The following CYSTM1 variants were observed in gnomAD, a reference collection of about 807,000 sequenced individuals.
CYSTM1 encodes cysteine-rich transmembrane module-containing protein 1.
Under a neutral mutation model 13.1 loss-of-function variants are expected in CYSTM1, and 4 were observed. The ratio of observed to expected loss-of-function variants is 0.31; its 90% CI spans 0.15 to 0.70. The LOEUF (loss-of-function observed/expected upper bound fraction) is 0.70. Among genes scored for constraint, CYSTM1 ranks in the 30% least tolerant of loss-of-function variants. The probability of loss-of-function intolerance (pLI) is 0.72; values close to 1 mark genes in which losing one functional copy is unlikely to be tolerated. For synonymous variants in CYSTM1, 36 were observed against 42.7 expected (o/e 0.84, Z 0.62); for missense variants, 96 against 121.6 (o/e 0.79, Z 0.99).
At chr5:140,195,877 T>C (rs975803656) in intron 2 of CYSTM1, among the ~76,000 whole-genome samples, 7 of 151,666 alleles carry the variant, frequency 4.6e-5, no homozygotes, top group Non-Finnish European at 8.8e-5. Flanking sequence ...AAACCCCGTC[T>C]CTACTAAAAA....
At chr5:140,177,026 G>A (rs1173492582) in intron 1 of CYSTM1, among the ~76,000 whole-genome samples, 2 of 133,294 alleles carry the variant, frequency 1.5e-5, no homozygotes, top group Non-Finnish European at 3.1e-5. Flanking sequence ...CCGAGGCTGC[G>A]CCACTGCACT....
intron 2 of CYSTM1, chr5:140,228,615 A>T: frequency 2.5e-6 from 1 of 396,384 alleles, no homozygotes; most frequent in Non-Finnish European, 4.4e-6. Flanking sequence ...TGGAGCTAAC[A>T]ATCTAGACAG....
chr5:140,228,100 A>G (rs1764581052), intron 2 of CYSTM1, among the ~76,000 whole-genome samples: 1 of 152,186 alleles, frequency 6.6e-6, no homozygotes, highest in African/African-American at 2.4e-5. Flanking sequence ...CCTGATAGAC[A>G]TTAAGGCTAG....
chr5:140,200,888 T>C (rs891203009), intron 2 of CYSTM1: 1 of 152,212 alleles, frequency 6.6e-6, no homozygotes, highest in Non-Finnish European at 1.5e-5. Context: ...ACTCTGTCTC[T>C]ATAGATTTGT....
At chr5:140,221,358 GAAC>G (rs1170443640) in intron 2 of CYSTM1, among the ~76,000 whole-genome samples, 3 of 152,066 alleles carry the variant, frequency 2.0e-5, no homozygotes. Context: ...TGTCCCTGTT[GAAC>G]AACAACTCAC....
chr5:140,233,725 ATAGT>A (rs770928464), intron 2 of CYSTM1, among the ~76,000 whole-genome samples: 9 of 152,244 alleles, frequency 5.9e-5, no homozygotes, highest in East Asian at 1.9e-4. Flanking sequence ...TGTTTTCCTA[ATAGT>A]TAGTGATGAA....
At chr5:140,204,193 A>T (rs1764262056) in intron 2 of CYSTM1, among the ~76,000 whole-genome samples, 1 of 152,026 alleles carries the variant, frequency 6.6e-6, no homozygotes, top group African/African-American at 2.4e-5. Context: ...GTACTAAGAC[A>T]CCACACATCT....
At chr5:140,242,039 T>G (rs1764755732) in intron 2 of CYSTM1, among the ~76,000 whole-genome samples, 1 of 152,212 alleles carries the variant, frequency 6.6e-6, no homozygotes, top group Non-Finnish European at 1.5e-5. Context: ...TGGTAGTATC[T>G]ACCTCAGGGT....
chr5:140,194,377 G>C (rs756350375), intron 1 of CYSTM1, 69 bp from the exon 2 acceptor site: 320 of 1,390,340 alleles, frequency 2.3e-4, no homozygotes, highest in Non-Finnish European at 2.5e-4. Flanking sequence ...TGATCTTATG[G>C]GTTAGGATTT....
chr5:140,236,314 G>C (rs13170937), intron 2 of CYSTM1, among the ~76,000 whole-genome samples: 34,424 of 152,080 alleles, frequency 0.23, 4,365 homozygotes, highest in South Asian at 0.46. Context: ...GGATGTGCGC[G>C]TCCCTGCAGT....
intron 2 of CYSTM1, among the ~76,000 whole-genome samples, chr5:140,238,145 G>A (rs1451625484): frequency 6.6e-6 from 1 of 152,166 alleles, no homozygotes; most frequent in Non-Finnish European, 1.5e-5. Context: ...GAAAAGCCAG[G>A]CCAGAGCTGA....
At chr5:140,205,352 G>T (rs1222420956) in intron 2 of CYSTM1, among the ~76,000 whole-genome samples, 1 of 152,158 alleles carries the variant, frequency 6.6e-6, no homozygotes, top group Admixed American at 6.5e-5. Context: ...GAAATTTAAC[G>T]GTCTGGCATC....
chr5:140,237,678 G>T (rs891095268), intron 2 of CYSTM1, among the ~76,000 whole-genome samples: 3 of 152,174 alleles, frequency 2.0e-5, no homozygotes, highest in African/African-American at 7.2e-5. Flanking sequence ...TTGTCAGGCT[G>T]GTCCAGCATG....
Position 140,182,765 on chromosome 5 carries a change from C to T in CYSTM1, c.-21+7480C>T, listed in dbSNP as rs569995943. ...TTTTTTTCCCCCAATCTTCATTGTC[C>T]GTAAAGCCTATTCCTTTAAGAATCC... On this transcript the variant is annotated intron_variant, in intron 1 of 2. Transcript: ENST00000261811. Among the ~76,000 whole-genome samples, 4 of 152,046 alleles carry T rather than the reference C, an allele frequency of 2.6e-5. No individual in the cohort carries two copies. The East Asian group carries it at 5.8e-4, about 22-fold the overall frequency.
rs1284409791 is a variant in CYSTM1, at chr5:140,175,973, G to T, written c.-21+688G>T. On this transcript the variant is annotated intron_variant, in intron 1 of 2. Transcript: ENST00000261811. This position sits in a 1 kb window ranked among gnomAD's most constrained non-coding sequence, Gnocchi z 4.9. ...CGGTAGCAGTGGAGGTTGCAGGGGGGAGAGAAGGAGGGGAGGACCCCTGGG... is the reference window on the plus strand; with the variant it reads ...CGGTAGCAGTGGAGGTTGCAGGGGGTAGAGAAGGAGGGGAGGACCCCTGGG... Among the ~76,000 whole-genome samples the T allele has an allele frequency of 6.6e-6, 1 of 152,176 alleles. No individual in the cohort carries two copies. Among genetic ancestry groups the T allele is most frequent in the Non-Finnish European group, 1.5e-5 (1 of 68,030 alleles).
Position 140,175,689 on chromosome 5 carries a change from C to T in CYSTM1, c.-21+404C>T, listed in dbSNP as rs564622459. On this transcript the variant is annotated intron_variant, in intron 1 of 2. Coordinates refer to ENST00000261811, the MANE Select transcript of CYSTM1 (RefSeq NM_032412.4). This position sits in a 1 kb window ranked among gnomAD's most constrained non-coding sequence, Gnocchi z 4.9. ...TTGGGCTGCGATTTCTGAGGCGCTGCTCTGCCTATTCCGAGCTGGGCCAGC... is the reference window on the plus strand; with the variant it reads ...TTGGGCTGCGATTTCTGAGGCGCTGTTCTGCCTATTCCGAGCTGGGCCAGC... 2.8e-4 allele frequency among the ~76,000 whole-genome samples: 43 copies of T among 152,350 alleles called. No homozygotes were observed. Among genetic ancestry groups the T allele is most frequent in the Non-Finnish European group, 5.1e-4 (35 of 68,030 alleles).
At chr5:140,211,419 A>G (rs1764366729) in intron 2 of CYSTM1, among the ~76,000 whole-genome samples, 1 of 152,186 alleles carries the variant, frequency 6.6e-6, no homozygotes, top group African/African-American at 2.4e-5. Flanking sequence ...CATTGTAAAC[A>G]CGGCTTCCAA....
Position 140,175,715 on chromosome 5 carries a change from C to T in CYSTM1, c.-21+430C>T, listed in dbSNP as rs1763873971. On this transcript the variant is annotated intron_variant, in intron 1 of 2. Transcript: ENST00000261811. This position sits in a 1 kb window ranked among gnomAD's most constrained non-coding sequence, Gnocchi z 4.9. Reference sequence around the variant, plus strand: ...TCTGCCTATTCCGAGCTGGGCCAGCCGGGGGCAGGGGGCAGGTCGCGAGTC... The same window carrying T: ...TCTGCCTATTCCGAGCTGGGCCAGCTGGGGGCAGGGGGCAGGTCGCGAGTC... Among the ~76,000 whole-genome samples, 2 of 152,154 alleles carry T rather than the reference C, an allele frequency of 1.3e-5. No homozygotes were observed. Among genetic ancestry groups the T allele is most frequent in the Admixed American group, 1.3e-4 (2 of 15,284 alleles).
At chr5:140,232,687 G>A (rs1561482008) in intron 2 of CYSTM1, among the ~76,000 whole-genome samples, 1 of 152,198 alleles carries the variant, frequency 6.6e-6, no homozygotes, top group Non-Finnish European at 1.5e-5. Context: ...AGAAGACAGG[G>A]CTCCTCAGGC....
Sources: allele counts gnomAD v4.1 joint callset (sites outside exome capture counted in the v4.1 genomes callset), GRCh38; gene constraint gnomAD v4.1.1; non-coding constraint Gnocchi (gnomAD v3.1); transcripts MANE v1.5; gene names NCBI Gene and HGNC (gene_info 2026-07-23, HGNC 2026-07-21).